DAB1: variants seen among roughly 807,000 people sequenced by gnomAD.
The protein encoded by DAB1 is DAB adaptor protein 1.
DAB1 carries 15 observed loss-of-function variants against 64.6 expected under a neutral mutation model. That is an observed-to-expected ratio of 0.23 (90% CI 0.16 to 0.36). The LOEUF (loss-of-function observed/expected upper bound fraction) is 0.36. Ranked by LOEUF, DAB1 falls within the 10% of genes least tolerant of loss-of-function variation. DAB1 has a pLI of 1.00. For synonymous variants in DAB1, 235 were observed against 251.9 expected (o/e 0.93, Z 0.64); for missense variants, 596 against 706.7 (o/e 0.84, Z 1.78).
rs1310148689 is a variant in DAB1 at position 57,449,706 on chromosome 1, A to G, written n.626-158540T>C. On this transcript the variant is annotated intron_variant and non_coding_transcript_variant, in intron 7 of 20. Coordinates refer to the DAB1 transcript ENST00000485760. ...TTTAATCTCTTTTTTACCTAATTTC[A>G]TAAGTGACTCCCAGGCAGATGGTCA... is the stretch of plus-strand genomic sequence containing the variant. Among the ~76,000 whole-genome samples, 9 of 152,094 alleles carry G rather than the reference A, an allele frequency of 5.9e-5. No homozygotes were observed. In the South Asian group the frequency reaches 8.3e-4, roughly 14 times the overall value.
chr1:57,008,754 T>G (rs888693221), intron 14 of DAB1, among the ~76,000 whole-genome samples: 1 of 152,182 alleles, frequency 6.6e-6, no homozygotes, highest in African/African-American at 2.4e-5. Context: ...CGCTAGATAC[T>G]CAACATAAAC....
intron 1 of DAB1, among the ~76,000 whole-genome samples, chr1:57,355,812 G>A (rs559636512): frequency 2.1e-5 from 3 of 145,480 alleles, no homozygotes; most frequent in Admixed American, 6.9e-5. Context: ...GCAATGGAGA[G>A]AAATAATAGG....
At chr1:57,199,093 G>A (rs1003360340) in intron 2 of DAB1, among the ~76,000 whole-genome samples, 1 of 152,138 alleles carries the variant, frequency 6.6e-6, no homozygotes, top group Non-Finnish European at 1.5e-5. Flanking sequence ...CTGAGGCTGG[G>A]GGAAGGGAAA....
intron 3 of DAB1, among the ~76,000 whole-genome samples, chr1:58,361,727 C>A (rs1301990190): frequency 1.3e-5 from 2 of 152,110 alleles, no homozygotes; most frequent in Non-Finnish European, 2.9e-5. Context: ...CTCCCTGAGC[C>A]TCAGTTGCTT....
intron 4 of DAB1, among the ~76,000 whole-genome samples, chr1:58,197,440 A>G (rs1657744388): frequency 6.7e-6 from 1 of 149,302 alleles, no homozygotes; most frequent in Non-Finnish European, 1.5e-5. Context: ...TTGCTCTGTC[A>G]CCAGACTGGA....
intron 7 of DAB1, among the ~76,000 whole-genome samples, chr1:57,599,446 G>GA (rs1645550686): frequency 8.6e-6 from 1 of 116,410 alleles, no homozygotes; most frequent in Non-Finnish European, 2.1e-5. Flanking sequence ...GCTGGAAATA[G>GA]CCGTTATAAT....
At chr1:57,087,117 A>G (rs778775862) in intron 4 of DAB1, among the ~76,000 whole-genome samples, 4 of 152,200 alleles carry the variant, frequency 2.6e-5, no homozygotes, top group Non-Finnish European at 5.9e-5. Context: ...TGTTTCATCC[A>G]TTGTCCTTTC....
intron 2 of DAB1, among the ~76,000 whole-genome samples, chr1:57,216,551 C>G (rs1187031339): frequency 6.6e-6 from 1 of 152,030 alleles, no homozygotes; most frequent in Non-Finnish European, 1.5e-5. Context: ...AGTTTTGGCT[C>G]TAAATAAGAT....
At chr1:58,189,121 G>A (rs556071323) in intron 4 of DAB1, among the ~76,000 whole-genome samples, 9 of 152,108 alleles carry the variant, frequency 5.9e-5, no homozygotes, top group Non-Finnish European at 1.2e-4. Context: ...ACTGTTGCAT[G>A]GATTGCTGGC....
chr1:57,053,609 T>C, intron 9 of DAB1, among the ~76,000 whole-genome samples: 1 of 149,906 alleles, frequency 6.7e-6, no homozygotes, highest in Non-Finnish European at 1.5e-5. Context: ...AATCTCTGTC[T>C]TTCCTATTTA....
chr1:58,143,660 TG>T (rs2100719578), intron 5 of DAB1, among the ~76,000 whole-genome samples: 1 of 152,296 alleles, frequency 6.6e-6, no homozygotes, highest in Admixed American at 6.5e-5. Flanking sequence ...GTCAAAATCC[TG>T]CTCCCTGGAA....
At chr1:57,391,208 G>C (rs1401141944) in intron 1 of DAB1, among the ~76,000 whole-genome samples, 1 of 152,130 alleles carries the variant, frequency 6.6e-6, no homozygotes. Flanking sequence ...CCAGTAGTAT[G>C]CTTGGTGCTC....
intron 5 of DAB1, among the ~76,000 whole-genome samples, chr1:58,118,806 C>T (rs944181698): frequency 1.3e-5 from 2 of 151,606 alleles, no homozygotes; most frequent in Non-Finnish European, 2.9e-5. Flanking sequence ...ACAAAGACCA[C>T]ATACCTCGGA....
intron 6 of DAB1, among the ~76,000 whole-genome samples, chr1:57,678,920 C>T (rs911107232): frequency 1.3e-4 from 15 of 117,800 alleles, no homozygotes; most frequent in Non-Finnish European, 1.7e-5. Context: ...GCGCCTGCCA[C>T]CATGCCCGGC....
upstream of DAB1, among the ~76,000 whole-genome samples, chr1:57,424,559 CCT>C (rs1685190984): frequency 6.6e-6 from 1 of 151,892 alleles, no homozygotes; most frequent in African/African-American, 2.4e-5. Context: ...CTCCGCCTGG[CCT>C]CTCTCATTTT....
At chr1:58,156,397 G>A (rs984100648) in intron 4 of DAB1, among the ~76,000 whole-genome samples, 3 of 152,220 alleles carry the variant, frequency 2.0e-5, no homozygotes, top group African/African-American at 4.8e-5. Flanking sequence ...TTCAAGTGTA[G>A]CTAGTTTCTT....
chr1:57,526,426 G>A (rs1644594360), intron 7 of DAB1, among the ~76,000 whole-genome samples: 1 of 152,106 alleles, frequency 6.6e-6, no homozygotes, highest in Admixed American at 6.6e-5. Context: ...TTTCGTATTG[G>A]ACTTTCCAAT....
intron 1 of DAB1, among the ~76,000 whole-genome samples, chr1:57,861,255 A>G (rs1318861269): frequency 1.3e-5 from 2 of 152,196 alleles, no homozygotes; most frequent in African/African-American, 2.4e-5. Flanking sequence ...TGCTTGCTAT[A>G]ACAAAGTACC....
chr1:57,492,269 G>A (rs929378911), intron 7 of DAB1, among the ~76,000 whole-genome samples: 4 of 152,200 alleles, frequency 2.6e-5, no homozygotes, highest in African/African-American at 4.8e-5. Flanking sequence ...GAGGGCTTTG[G>A]AATTTATGTT....
Sources: allele counts gnomAD v4.1 joint callset (sites outside exome capture counted in the v4.1 genomes callset), GRCh38; gene constraint gnomAD v4.1.1; transcripts MANE v1.5; gene names NCBI Gene and HGNC (gene_info 2026-07-23, HGNC 2026-07-21).